Variants in PSD3 observed in about 807,000 individuals in gnomAD.
PSD3 encodes the protein PH and SEC7 domain-containing protein 3.
In PSD3, 49 loss-of-function variants were observed where a neutral mutation model predicts 105.5. That is an observed-to-expected ratio of 0.46 (90% CI 0.37 to 0.59). The LOEUF is 0.59. PSD3 is among the 20% of genes least tolerant of loss of function. PSD3 has a pLI of 0.00. For missense variants in PSD3, 1,561 were observed against 1,263.8 expected (o/e 1.24, Z -3.57); for synonymous variants, 557 against 457.8 (o/e 1.22, Z -2.77).
intron 14 of PSD3, among the ~76,000 whole-genome samples, chr8:18,564,566 T>G (rs1585252021): frequency 6.6e-6 from 1 of 150,510 alleles, no homozygotes; most frequent in African/African-American, 2.5e-5. Flanking sequence ...GAGGTGGAGG[T>G]TGCAGTGAGC....
chr8:18,825,755 T>A (rs936862658), intron 4 of PSD3, among the ~76,000 whole-genome samples: 1 of 152,204 alleles, frequency 6.6e-6, no homozygotes, highest in Non-Finnish European at 1.5e-5. Flanking sequence ...CACACGCAAC[T>A]CATTGCTGGC....
Position 18,535,784 on chromosome 8 carries a change from G to C in PSD3, c.3103C>G (p.His1035Asp). The C allele has an allele frequency of 2.5e-6, 4 of 1,614,088 alleles. No individual in the cohort carries two copies. The highest frequency in any genetic ancestry group is 3.4e-6 in the Non-Finnish European group (4 of 1,179,976). ...TTAATGCTTGGTGTTTCAGGTCGGT[G>C]ATCCTTCCTCTCTGACACGTTACGC... ...VKRNVSERKD[H>D]RPETPSIKQK... Residue 1035 changes from histidine (H) to aspartate (D), a missense_variant, in exon 16 of 16, where the codon CAC becomes GAC. His to Asp is a moderately conservative substitution (Grantham distance 81, BLOSUM62 -1). Coordinates refer to ENST00000327040, the MANE Select transcript of PSD3 (RefSeq NM_015310.4).
At chr8:18,793,891 A>G (rs974029803) in intron 8 of PSD3, among the ~76,000 whole-genome samples, 1 of 152,256 alleles carries the variant, frequency 6.6e-6, no homozygotes, top group Non-Finnish European at 1.5e-5. Context: ...GTTCATCAAT[A>G]TCATGGAAGT....
chr8:18,748,457 G>C (rs1266795788), intron 9 of PSD3, among the ~76,000 whole-genome samples: 1 of 151,900 alleles, frequency 6.6e-6, no homozygotes, highest in African/African-American at 2.4e-5. Flanking sequence ...CCAGGAGATC[G>C]AGACTATCCT....
chr8:18,926,612 G>T (rs1586444757), intron 2 of PSD3, among the ~76,000 whole-genome samples: 1 of 152,024 alleles, frequency 6.6e-6, no homozygotes, highest in East Asian at 1.9e-4. Context: ...AATTTAAAAA[G>T]AAAGACAGAG....
chr8:19,040,469 G>C (rs1001757537), intron 1 of PSD3, among the ~76,000 whole-genome samples: 2 of 152,192 alleles, frequency 1.3e-5, no homozygotes, highest in Admixed American at 6.5e-5. Context: ...GCCTCCCAAA[G>C]TGTTGGGATT....
chr8:18,656,366 T>A (rs1808894217), intron 9 of PSD3, among the ~76,000 whole-genome samples: 2 of 151,742 alleles, frequency 1.3e-5, no homozygotes. Context: ...CTGCTTTTTT[T>A]TTTTCGTTAA....
intron 12 of PSD3, among the ~76,000 whole-genome samples, chr8:18,587,721 G>A (rs959175673): frequency 1.3e-5 from 2 of 152,088 alleles, no homozygotes; most frequent in African/African-American, 4.8e-5. Context: ...TCATTGCTTA[G>A]TGAATGCTCA....
chr8:18,866,893 T>TACAC lies in PSD3; in HGVS notation c.1634+777_1634+780dup, dbSNP rs34045400. ...CCAGCTCCACACAAACATACATACATACACACACACACACACACACACATA... is the reference window on the plus strand; with the variant it reads ...CCAGCTCCACACAAACATACATACATACACACACACACACACACACACACACATA... On this transcript the variant is annotated intron_variant, in intron 4 of 15. Coordinates refer to ENST00000327040, the MANE Select transcript of PSD3 (RefSeq NM_015310.4). 1.7e-3 allele frequency among the ~76,000 whole-genome samples: 248 copies of TACAC among 146,860 alleles called. 1 individual carries two copies. The highest frequency in any genetic ancestry group is 5.2e-3 in the African/African-American group (210 of 40,508).
intron 9 of PSD3, among the ~76,000 whole-genome samples, chr8:18,707,389 A>C (rs1311117316): frequency 6.6e-6 from 1 of 152,186 alleles, no homozygotes; most frequent in East Asian, 1.9e-4. Context: ...GTGTTCATGA[A>C]ATTGATTTCT....
chr8:18,812,208 A>C (rs1811755625), intron 4 of PSD3, among the ~76,000 whole-genome samples: 1 of 152,158 alleles, frequency 6.6e-6, no homozygotes, highest in South Asian at 2.1e-4. Flanking sequence ...TGTTCACATG[A>C]TGTTTGACAG....
intron 11 of PSD3, among the ~76,000 whole-genome samples, chr8:18,631,929 T>G (rs746385021): frequency 6.6e-6 from 1 of 152,046 alleles, no homozygotes; most frequent in Non-Finnish European, 1.5e-5. Context: ...TCTGTTCAAG[T>G]ATATCAAATT....
At chr8:18,889,868 A>G (rs1818674360) in intron 2 of PSD3, among the ~76,000 whole-genome samples, 1 of 152,216 alleles carries the variant, frequency 6.6e-6, no homozygotes, top group Non-Finnish European at 1.5e-5. Flanking sequence ...TCAAATGCAC[A>G]ATGTATTTCC....
intron 12 of PSD3, among the ~76,000 whole-genome samples, chr8:18,589,121 C>G (rs1224247069): frequency 6.6e-6 from 1 of 152,082 alleles, no homozygotes; most frequent in Non-Finnish European, 1.5e-5. Flanking sequence ...CTAAAAGGAC[C>G]AGTGTGGGCC....
intron 1 of PSD3, among the ~76,000 whole-genome samples, chr8:18,999,580 G>A (rs13256382): frequency 0.29 from 43,919 of 151,678 alleles, 6,965 homozygotes; most frequent in East Asian, 0.36. Flanking sequence ...ATTGCTAAAT[G>A]GAATGCTTTA....
At chr8:18,967,471 T>C (rs553096250) in intron 1 of PSD3, among the ~76,000 whole-genome samples, 6 of 152,182 alleles carry the variant, frequency 3.9e-5, no homozygotes, top group African/African-American at 1.2e-4. Flanking sequence ...AATCTTAAGA[T>C]TACTAGTAGT....
rs117233069 is a variant in PSD3, at chr8:18,579,152, T to C, written c.2482-3867A>G. 1.8e-3 allele frequency among the ~76,000 whole-genome samples: 227 copies of C among 124,224 alleles called. 3 individuals carry two copies. In the East Asian group the frequency reaches 0.035, roughly 19 times the overall value. 81.5% of individuals were successfully genotyped at this position (124,224 alleles called of 152,430 possible). ...CACACACAAAGGGCAAAACCAAGAG[T>C]AGAGTGGAAACATTAGGGTTGACAA... On this transcript the variant is annotated intron_variant, in intron 12 of 15. Transcript: ENST00000327040.
chr8:18,965,886 G>A (rs748260468), intron 1 of PSD3, among the ~76,000 whole-genome samples: 1 of 152,210 alleles, frequency 6.6e-6, no homozygotes, highest in Non-Finnish European at 1.5e-5. Context: ...CCTGAGTTAA[G>A]CTCCTGGTAA....
intron 11 of PSD3, among the ~76,000 whole-genome samples, chr8:18,631,018 G>C (rs900514655): frequency 9.9e-5 from 15 of 151,898 alleles, no homozygotes; most frequent in African/African-American, 3.4e-4. Context: ...CAGATATTAA[G>C]GGACAACGGT....
Sources: allele counts gnomAD v4.1 joint callset (sites outside exome capture counted in the v4.1 genomes callset), GRCh38; gene constraint gnomAD v4.1.1; transcripts MANE v1.5; gene names NCBI Gene and HGNC (gene_info 2026-07-23, HGNC 2026-07-21).